Variants in SMC2 observed in about 807,000 individuals in gnomAD.
The protein encoded by SMC2 is structural maintenance of chromosomes 2.
A neutral mutation model predicts 142.6 loss-of-function variants in SMC2; 41 were observed. That is an observed-to-expected ratio of 0.29 (90% confidence interval 0.22 to 0.37). The LOEUF is 0.37. Ranked by LOEUF, SMC2 falls within the 10% of genes least tolerant of loss-of-function variation. The probability of loss-of-function intolerance (pLI) is 1.00; values close to 1 mark genes in which losing one functional copy is unlikely to be tolerated. For missense variants in SMC2, 1,265 were observed against 1,373.7 expected, an observed-to-expected ratio of 0.92 and a Z score of 1.25; for synonymous variants, 463 against 457.5, an observed-to-expected ratio of 1.01 and a Z score of -0.15.
At chr9:104,108,965 TTTCTA>T (rs1832121035) in intron 9 of SMC2, among the ~76,000 whole-genome samples, 1 of 152,134 alleles carries the variant, frequency 6.6e-6, no homozygotes, top group South Asian at 2.1e-4. Flanking sequence ...GACATGCATA[TTTCTA>T]GGAGGGAACT....
chr9:104,127,590 T>C, intron 20 of SMC2, 110 bp downstream of exon 20: 1 of 689,348 alleles, frequency 1.5e-6, no homozygotes, highest in East Asian at 3.2e-5. Context: ...AATGGCAAAA[T>C]TACAGCCTGG....
Position 104,131,793 on chromosome 9 carries a change from TTAAGAGTGTGTA to T in SMC2, c.2992-213_2992-202del, listed in dbSNP as rs1210485428. On this transcript the variant is annotated intron_variant, in intron 21 of 24. Coordinates refer to ENST00000374793, the MANE Select transcript of SMC2 (RefSeq NM_006444.3). ...ATGGATGATTTTATTCCTAATTTTG[TTAAGAGTGTGTA>T]TATGAGTGTGTATATACACACACAT... Among the ~76,000 whole-genome samples, 3 of 152,116 alleles carry T rather than the reference TTAAGAGTGTGTA, an allele frequency of 2.0e-5. No homozygotes were observed. The East Asian group carries it at 5.8e-4, about 29-fold the overall frequency.
the SMC2 span, among the ~76,000 whole-genome samples, chr9:104,088,545 C>CA: frequency 6.6e-6 from 1 of 152,068 alleles, no homozygotes; most frequent in South Asian, 2.1e-4. Context: ...AGTCAAAGGG[C>CA]ATTTCAAGTT....
chr9:104,138,167 T>TA lies in SMC2; in HGVS notation c.3417+4dup. 6.3e-7 allele frequency: 1 copy of TA among 1,589,326 alleles called. No individual in the cohort carries two copies. The highest frequency in any genetic ancestry group is 8.6e-7 in the Non-Finnish European group (1 of 1,165,396). On this transcript the variant is annotated splice_region_variant and intron_variant, in intron 24 of 24. Coordinates refer to ENST00000374793, the MANE Select transcript of SMC2 (RefSeq NM_006444.3). ...CGTACTCATTTCACACATTCTCAGG[T>TA]AAGAACCAGGAAAAAAAGTCTCAGT...
chr9:104,096,846 C>T (rs1427660324), intron 3 of SMC2, among the ~76,000 whole-genome samples: 2 of 152,218 alleles, frequency 1.3e-5, no homozygotes, highest in Non-Finnish European at 2.9e-5. Flanking sequence ...AGTTCCTTCA[C>T]TTGCCTGATT....
upstream of SMC2, among the ~76,000 whole-genome samples, chr9:104,091,404 A>AGC (rs3086495): frequency 0.85 from 128,882 of 151,842 alleles, 54,781 homozygotes; most frequent in East Asian, 0.95. Context: ...AACAGGAATT[A>AGC]TCCATTATAA....
chr9:104,125,692 T>C (rs191664198), intron 18 of SMC2, among the ~76,000 whole-genome samples: 110 of 152,304 alleles, frequency 7.2e-4, no homozygotes, highest in Non-Finnish European at 1.4e-3. Context: ...ATGTGCACTG[T>C]GAGAGCATAA....
At chr9:104,134,747 G>A (rs1186960434) in intron 23 of SMC2, among the ~76,000 whole-genome samples, 172 bp downstream of exon 23, 1 of 152,050 alleles carries the variant, frequency 6.6e-6, no homozygotes, top group East Asian at 1.9e-4. Context: ...GGTGACAAAG[G>A]AGGAATAAGC....
rs748334171 is a variant in SMC2, at chr9:104,114,717, A to G, written c.1559A>G (p.Asn520Ser). 1 of 1,611,950 alleles carries G rather than the reference A, an allele frequency of 6.2e-7. No individual in the cohort carries two copies. Among genetic ancestry groups the G allele is most frequent in the South Asian group, 1.1e-5 (1 of 90,834 alleles). ...GATCCAGAGAAGAACTGGAATAGAA[A>G]TTGTGTGAAAGGACTTGTGGCTTCT... is the stretch of plus-strand genomic sequence containing the variant. ...YKDPEKNWNR[N>S]CVKGLVASLI... The change falls in exon 13 of 25, where the codon AAT (asparagine) becomes AGT (serine). Residue 520 changes from asparagine to serine, a missense_variant. By Grantham distance (46) the Asn-to-Ser change is conservative. Around this residue, in one of 4 missense-constraint regions of SMC2, gnomAD observed 898 missense variants for 904.2 expected, o/e 0.99. Coordinates refer to ENST00000374793, the MANE Select transcript of SMC2 (RefSeq NM_006444.3).
chr9:104,113,638 TA>T (rs532120033), intron 11 of SMC2, among the ~76,000 whole-genome samples, 163 bp downstream of exon 11: 89 of 152,280 alleles, frequency 5.8e-4, no homozygotes, highest in Non-Finnish European at 1.3e-3. Context: ...TACCTAATTA[TA>T]AAACAACTCT....
At chr9:104,111,126 A>G (rs1832394741) in intron 9 of SMC2, among the ~76,000 whole-genome samples, 1 of 152,218 alleles carries the variant, frequency 6.6e-6, no homozygotes, top group Non-Finnish European at 1.5e-5. Context: ...AAAAGGTGTT[A>G]CATAATAGTA....
intron 20 of SMC2, among the ~76,000 whole-genome samples, chr9:104,127,813 T>G (rs1484256084): frequency 6.6e-6 from 1 of 152,194 alleles, no homozygotes; most frequent in Non-Finnish European, 1.5e-5. Flanking sequence ...ATGATATATA[T>G]TCTCTACCTT....
chr9:104,129,220 C>T (rs950544262), intron 20 of SMC2, among the ~76,000 whole-genome samples: 5 of 151,962 alleles, frequency 3.3e-5, no homozygotes, highest in South Asian at 2.1e-4. Context: ...AAAAATGAGT[C>T]GCCTAGGCAC....
intron 16 of SMC2, among the ~76,000 whole-genome samples, chr9:104,122,270 T>C (rs1833823298): frequency 6.6e-6 from 1 of 152,084 alleles, no homozygotes; most frequent in Non-Finnish European, 1.5e-5. Flanking sequence ...GGAAAATAGA[T>C]TTTGAAAAAA....
At chr9:104,135,541 T>C (rs1564120647) in intron 23 of SMC2, among the ~76,000 whole-genome samples, 1 of 152,144 alleles carries the variant, frequency 6.6e-6, no homozygotes, top group Non-Finnish European at 1.5e-5. Flanking sequence ...CACCATGTTT[T>C]CCAGATTTGA....
chr9:104,096,598 CT>C (rs1830467616), intron 3 of SMC2, among the ~76,000 whole-genome samples: 1 of 152,228 alleles, frequency 6.6e-6, no homozygotes. Context: ...TACTTGAGAT[CT>C]TTCAATCTTC....
chr9:104,113,819 T>C, intron 11 of SMC2, 145 bp from the exon 12 acceptor site: 1 of 556,608 alleles, frequency 1.8e-6, no homozygotes, highest in Admixed American at 3.3e-5. Flanking sequence ...TGGATAGAAA[T>C]AGGAAGGTTC....
chr9:104,088,437 G>A, the SMC2 span, among the ~76,000 whole-genome samples: 3 of 151,984 alleles, frequency 2.0e-5, no homozygotes, highest in Admixed American at 2.0e-4. Flanking sequence ...TGTGGATAAA[G>A]GGTTAAGGGA....
intron 14 of SMC2, 130 bp downstream of exon 14, chr9:104,116,449 G>T (rs1833129156): frequency 2.5e-6 from 2 of 785,168 alleles, no homozygotes; most frequent in Non-Finnish European, 3.8e-6. Flanking sequence ...AATTGGGTTG[G>T]CTTGTGCAAT....
Sources: allele counts gnomAD v4.1 joint callset (sites outside exome capture counted in the v4.1 genomes callset), GRCh38; gene constraint gnomAD v4.1.1; regional missense constraint gnomAD v4.1.1; transcripts MANE v1.5; gene names NCBI Gene and HGNC (gene_info 2026-07-23, HGNC 2026-07-21).